The following TBL1XR1 variants were observed in gnomAD, a reference collection of about 807,000 sequenced individuals.
TBL1XR1 encodes the protein F-box-like/WD repeat-containing protein TBL1XR1.
In TBL1XR1, 5 loss-of-function variants were observed where a neutral mutation model predicts 66.9. The observed-to-expected ratio is 0.07, with a 90% confidence interval of 0.04 to 0.16. TBL1XR1 has a LOEUF of 0.16. TBL1XR1 is among the 10% of genes least tolerant of loss of function. The pLI, the probability that TBL1XR1 is intolerant of heterozygous loss-of-function variation, is 1.00. For synonymous variants in TBL1XR1, 210 were observed against 206.0 expected (o/e 1.02, Z -0.17); for missense variants, 238 against 623.2 (o/e 0.38, Z 6.58).
intron 1 of TBL1XR1, among the ~76,000 whole-genome samples, chr3:177,103,283 A>G (rs1024921574): frequency 2.6e-5 from 4 of 152,248 alleles, no homozygotes; most frequent in African/African-American, 9.6e-5. Context: ...CAATCACATT[A>G]TTAGTGTAAA....
chr3:177,030,381 A>G (rs1713808430), intron 14 of TBL1XR1, among the ~76,000 whole-genome samples: 1 of 152,050 alleles, frequency 6.6e-6, no homozygotes, highest in Non-Finnish European at 1.5e-5. Context: ...TATTAATGTG[A>G]TATTTCAAAG....
intron 2 of TBL1XR1, among the ~76,000 whole-genome samples, chr3:177,069,567 C>T (rs773004043): frequency 6.6e-6 from 1 of 151,606 alleles, no homozygotes; most frequent in African/African-American, 2.4e-5. Context: ...AACCCCATCT[C>T]TACAAAAAAA....
intron 2 of TBL1XR1, among the ~76,000 whole-genome samples, chr3:177,070,836 A>ACTC (rs1465546495): frequency 2.6e-5 from 4 of 151,296 alleles, no homozygotes; most frequent in Non-Finnish European, 5.9e-5. Flanking sequence ...GCTAAGCAAG[A>ACTC]CTCCGTCTCA....
chr3:177,155,674 A>C (rs1426003106), intron 1 of TBL1XR1, among the ~76,000 whole-genome samples: 1 of 152,196 alleles, frequency 6.6e-6, no homozygotes, highest in Non-Finnish European at 1.5e-5. Context: ...ATAGTCACAT[A>C]GAAAAAAAAA....
chr3:177,130,352 A>G (rs1179636971), intron 1 of TBL1XR1, among the ~76,000 whole-genome samples: 1 of 152,176 alleles, frequency 6.6e-6, no homozygotes, highest in Non-Finnish European at 1.5e-5. Context: ...AAATTATAAT[A>G]AAGTATTATT....
chr3:177,092,586 C>T (rs1722972461), intron 2 of TBL1XR1, among the ~76,000 whole-genome samples: 1 of 152,044 alleles, frequency 6.6e-6, no homozygotes, highest in African/African-American at 2.4e-5. Context: ...TTATTGTCAG[C>T]ACCTCACATC....
intron 2 of TBL1XR1, among the ~76,000 whole-genome samples, chr3:177,069,869 A>G (rs550850468): frequency 2.0e-5 from 3 of 147,498 alleles, no homozygotes; most frequent in Non-Finnish European, 1.5e-5. Flanking sequence ...CAACACACCA[A>G]ATCAATTATT....
intron 1 of TBL1XR1, among the ~76,000 whole-genome samples, chr3:177,119,615 A>G (rs932488087): frequency 5.3e-5 from 8 of 152,206 alleles, no homozygotes; most frequent in African/African-American, 1.7e-4. Flanking sequence ...CATTCACTAC[A>G]TTGTGATACA....
chr3:177,033,225 T>C (rs969982584), intron 13 of TBL1XR1, 89 bp from the exon 14 acceptor site: 8 of 1,152,064 alleles, frequency 6.9e-6, no homozygotes, highest in Non-Finnish European at 9.3e-6. Flanking sequence ...TTCAGCCAAA[T>C]CTAATAGCCA....
chr3:177,144,262 G>A (rs1729977971), intron 1 of TBL1XR1, among the ~76,000 whole-genome samples: 1 of 151,594 alleles, frequency 6.6e-6, no homozygotes, highest in African/African-American at 2.4e-5. Flanking sequence ...AAAACACAAA[G>A]TGACATATTC....
chr3:177,169,969 T>G (rs564473843), intron 1 of TBL1XR1, among the ~76,000 whole-genome samples: 1 of 152,268 alleles, frequency 6.6e-6, no homozygotes, highest in East Asian at 1.9e-4. Flanking sequence ...TAGGACCTGC[T>G]GAATCAGAAA....
At chr3:177,101,439 T>TAA (rs1724200310) in intron 1 of TBL1XR1, among the ~76,000 whole-genome samples, 1 of 152,184 alleles carries the variant, frequency 6.6e-6, no homozygotes, top group Non-Finnish European at 1.5e-5. Flanking sequence ...GTTGGAGACT[T>TAA]AATCCCCAAA....
intron 2 of TBL1XR1, among the ~76,000 whole-genome samples, chr3:177,075,101 G>A (rs1297148166): frequency 6.6e-6 from 1 of 152,190 alleles, no homozygotes; most frequent in African/African-American, 2.4e-5. Flanking sequence ...TTGTCTCATA[G>A]TTCTATGGCT....
intron 2 of TBL1XR1, among the ~76,000 whole-genome samples, chr3:177,091,854 T>C (rs747842243): frequency 6.6e-6 from 1 of 152,094 alleles, no homozygotes; most frequent in Non-Finnish European, 1.5e-5. Context: ...TAACGAAATA[T>C]CTGTTGGGGA....
intron 1 of TBL1XR1, among the ~76,000 whole-genome samples, chr3:177,133,795 G>A (rs568145504): frequency 6.7e-6 from 1 of 148,530 alleles, no homozygotes; most frequent in Non-Finnish European, 1.5e-5. Flanking sequence ...CCAGCCACTC[G>A]GGAGGGTGAA....
intron 1 of TBL1XR1, among the ~76,000 whole-genome samples, chr3:177,165,681 A>C (rs1367640881): frequency 6.6e-6 from 1 of 152,224 alleles, no homozygotes; most frequent in Non-Finnish European, 1.5e-5. Flanking sequence ...TGACAAAGTA[A>C]CAAAGACAAT....
At chr3:177,193,774 C>G (rs886471552) in intron 1 of TBL1XR1, among the ~76,000 whole-genome samples, 2 of 152,112 alleles carry the variant, frequency 1.3e-5, no homozygotes, top group Non-Finnish European at 2.9e-5. Flanking sequence ...CTACACGGAT[C>G]AAGACTAACA....
intron 2 of TBL1XR1, among the ~76,000 whole-genome samples, chr3:177,091,919 T>G (rs1560165600): frequency 6.6e-6 from 1 of 152,220 alleles, no homozygotes; most frequent in Non-Finnish European, 1.5e-5. Flanking sequence ...TAATTGAATA[T>G]GAACATTCTC....
chr3:177,059,787 C>G (rs1309574304), intron 3 of TBL1XR1, among the ~76,000 whole-genome samples: 1 of 152,170 alleles, frequency 6.6e-6, no homozygotes, highest in Admixed American at 6.5e-5. Flanking sequence ...AGGAGATTAA[C>G]ATTTGAGTCA....
Sources: gnomAD v4.1 joint callset for allele counts (sites outside exome capture counted in the v4.1 genomes callset) on GRCh38, gnomAD v4.1.1 for gene constraint, MANE v1.5 for transcripts, NCBI Gene and HGNC (gene_info 2026-07-23, HGNC 2026-07-21) for gene names.